The following KLRG1 variants were observed in gnomAD, a reference collection of about 807,000 sequenced individuals.
The protein encoded by KLRG1 is killer cell lectin-like receptor subfamily G member 1.
Under a neutral mutation model 21.8 loss-of-function variants are expected in KLRG1, and 16 were observed. The ratio of observed to expected loss-of-function variants is 0.73; its 90% CI spans 0.50 to 1.11. The LOEUF is 1.11. KLRG1 is among the 50% of genes most tolerant of loss of function. The pLI is 0.00. For missense variants in KLRG1, 173 were observed against 218.3 expected, an observed-to-expected ratio of 0.79 and a Z score of 1.31; for synonymous variants, 69 against 75.9, an observed-to-expected ratio of 0.91 and a Z score of 0.47.
the KLRG1 span, among the ~76,000 whole-genome samples, chr12:9,143,225 G>A: frequency 6.6e-6 from 1 of 152,182 alleles, no homozygotes; most frequent in African/African-American, 2.4e-5. Flanking sequence ...CCAAGGTGCT[G>A]TTTAATCTGT....
chr12:9,090,484 T>C, the KLRG1 span: 1 of 1,613,470 alleles, frequency 6.2e-7, no homozygotes, highest in Admixed American at 1.7e-5. Context: ...CACACTGACC[T>C]GAAACCACAC....
At chr12:9,023,221 G>A in the KLRG1 span, among the ~76,000 whole-genome samples, 1 of 152,130 alleles carries the variant, frequency 6.6e-6, no homozygotes, top group Non-Finnish European at 1.5e-5. Flanking sequence ...GGTATCTCCA[G>A]GTAGATAGTA....
At chr12:9,028,146 C>A in the KLRG1 span, 29 of 503,458 alleles carry the variant, frequency 5.8e-5, no homozygotes, top group Non-Finnish European at 8.2e-5. Flanking sequence ...TCGTCGTCTT[C>A]TTCTTTTTTT....
the KLRG1 span, among the ~76,000 whole-genome samples, chr12:9,140,557 A>G: frequency 2.0e-5 from 3 of 152,240 alleles, no homozygotes; most frequent in Non-Finnish European, 4.4e-5. Context: ...ATTTGCATAC[A>G]GTGCAGCAAG....
At chr12:9,178,883 AG>A in the KLRG1 span, among the ~76,000 whole-genome samples, 2 of 152,158 alleles carry the variant, frequency 1.3e-5, no homozygotes, top group South Asian at 4.1e-4. Context: ...AAAATAGGAC[AG>A]GGGTCTCAGA....
chr12:9,122,699 T>C, the KLRG1 span, among the ~76,000 whole-genome samples: 164 of 152,270 alleles, frequency 1.1e-3, 1 homozygote, highest in African/African-American at 3.8e-3. Context: ...TTATAAAAAT[T>C]TATTAAAAAG....
the KLRG1 span, among the ~76,000 whole-genome samples, chr12:9,071,628 G>A: frequency 1.3e-5 from 2 of 152,000 alleles, no homozygotes; most frequent in African/African-American, 4.8e-5. Flanking sequence ...GGTGTCTGTT[G>A]TTCTCCTTTT....
chr12:9,053,250 A>AC, the KLRG1 span, among the ~76,000 whole-genome samples: 1 of 152,166 alleles, frequency 6.6e-6, no homozygotes, highest in Non-Finnish European at 1.5e-5. Context: ...GCCCTGAGCT[A>AC]CCAGGAAAGG....
chr12:9,164,010 G>A, the KLRG1 span: 1 of 1,355,394 alleles, frequency 7.4e-7, no homozygotes, highest in Non-Finnish European at 1.0e-6. Flanking sequence ...ATAGAAATAG[G>A]AAAAAAAACT....
the KLRG1 span, chr12:9,080,513 T>A: frequency 5.9e-6 from 1 of 168,286 alleles, no homozygotes; most frequent in Non-Finnish European, 1.3e-5. Context: ...ATCTATTTAG[T>A]TCCCACCACC....
At chr12:8,978,308 G>GA (rs1310822417) in intron 1 of KLRG1, among the ~76,000 whole-genome samples, 1 of 152,038 alleles carries the variant, frequency 6.6e-6, no homozygotes, top group Non-Finnish European at 1.5e-5. Flanking sequence ...TGTTTATCCA[G>GA]AAAAAAGTAA....
the KLRG1 span, chr12:9,028,825 A>G: frequency 1.6e-6 from 1 of 635,418 alleles, no homozygotes; most frequent in South Asian, 1.4e-5. Context: ...CTCTTGAGAA[A>G]GCTCTCTTTG....
chr12:9,166,738 CA>C, the KLRG1 span, among the ~76,000 whole-genome samples: 1 of 152,078 alleles, frequency 6.6e-6, no homozygotes, highest in Non-Finnish European at 1.5e-5. Context: ...GATTTTATTC[CA>C]CTTATTTTTT....
At chr12:9,057,290 A>G in the KLRG1 span, among the ~76,000 whole-genome samples, 5 of 152,186 alleles carry the variant, frequency 3.3e-5, no homozygotes, top group African/African-American at 1.2e-4. Context: ...ATTCTCACTT[A>G]TAAGTGGGAG....
At chr12:9,106,299 T>C in the KLRG1 span, 3 of 1,613,504 alleles carry the variant, frequency 1.9e-6, no homozygotes, top group Non-Finnish European at 2.5e-6. Context: ...AGAGTTTGGT[T>C]ATGGTTCTTG....
intron 1 of KLRG1, among the ~76,000 whole-genome samples, chr12:8,978,631 TTTTCTTTCTTTTC>T (rs1395209230): frequency 2.1e-5 from 3 of 142,898 alleles, no homozygotes; most frequent in African/African-American, 7.9e-5. Flanking sequence ...TTCTTTTTCT[TTTTCTTTCTTTTC>T]TTTCTTTCTT....
chr12:9,093,321 A>G, the KLRG1 span: 1 of 584,346 alleles, frequency 1.7e-6, no homozygotes, highest in African/African-American at 1.9e-5. Flanking sequence ...TCATTTCACT[A>G]TGTGTATGTG....
chr12:9,106,629 C>T, the KLRG1 span: 3 of 1,292,326 alleles, frequency 2.3e-6, no homozygotes, highest in Non-Finnish European at 3.3e-6. Context: ...AAATAAAATA[C>T]AAAAATATAA....
chr12:9,139,850 A>ATT, the KLRG1 span, among the ~76,000 whole-genome samples: 148 of 152,106 alleles, frequency 9.7e-4, no homozygotes, highest in Admixed American at 1.6e-3. Context: ...ATTCTGACCA[A>ATT]TTTTTGGTCA....
Sources: allele counts gnomAD v4.1 joint callset (sites outside exome capture counted in the v4.1 genomes callset), GRCh38; gene constraint gnomAD v4.1.1; transcripts MANE v1.5; gene names NCBI Gene and HGNC (gene_info 2026-07-23, HGNC 2026-07-21).